The following SLC4A4 variants were observed in gnomAD, a reference collection of about 807,000 sequenced individuals.
SLC4A4 encodes solute carrier family 4 member 4.
Under a neutral mutation model 111.5 loss-of-function variants are expected in SLC4A4, and 27 were observed. The observed-to-expected ratio is 0.24, with a 90% CI of 0.18 to 0.33. The LOEUF (loss-of-function observed/expected upper bound fraction) is 0.33, where lower values mean the gene tolerates loss of function less well. SLC4A4 is among the 10% of genes least tolerant of loss of function. The probability of loss-of-function intolerance (pLI) is 1.00; values close to 1 mark genes in which losing one functional copy is unlikely to be tolerated. For missense variants in SLC4A4, 909 were observed against 1,315.5 expected (o/e 0.69, Z 4.78); for synonymous variants, 443 against 463.4 (o/e 0.96, Z 0.57).
intron 1 of SLC4A4, among the ~76,000 whole-genome samples, chr4:71,215,205 AG>A (rs538943574): frequency 7.2e-4 from 110 of 152,316 alleles, no homozygotes; most frequent in Non-Finnish European, 1.2e-3. Flanking sequence ...TTGATAGTAC[AG>A]GGTAGACTAA....
At chr4:71,074,610 A>C (rs888624119) in intron 1 of SLC4A4, among the ~76,000 whole-genome samples, 2 of 151,996 alleles carry the variant, frequency 1.3e-5, no homozygotes, top group African/African-American at 2.4e-5. Context: ...GGAGGAAGGA[A>C]AGAGGAAAGG....
chr4:71,516,770 TC>T (rs1360838995), intron 16 of SLC4A4, among the ~76,000 whole-genome samples: 1 of 152,236 alleles, frequency 6.6e-6, no homozygotes, highest in Non-Finnish European at 1.5e-5. Flanking sequence ...TTCTGTGAGT[TC>T]CTTCTTGGAC....
chr4:71,330,986 A>T (rs1199182938), intron 3 of SLC4A4, among the ~76,000 whole-genome samples: 1 of 152,208 alleles, frequency 6.6e-6, no homozygotes, highest in Non-Finnish European at 1.5e-5. Flanking sequence ...AAAAATGCTC[A>T]TCATCACTGG....
intron 1 of SLC4A4, among the ~76,000 whole-genome samples, chr4:71,068,929 A>C (rs1004456053): frequency 2.3e-4 from 35 of 152,278 alleles, no homozygotes; most frequent in African/African-American, 7.9e-4. Flanking sequence ...ACTGATACAA[A>C]GTTTGAGGAT....
At chr4:71,405,732 T>G (rs966030637) in intron 7 of SLC4A4, among the ~76,000 whole-genome samples, 1 of 152,202 alleles carries the variant, frequency 6.6e-6, no homozygotes, top group African/African-American at 2.4e-5. Context: ...CAGATTTGAG[T>G]TTATTCTTTA....
intron 1 of SLC4A4, among the ~76,000 whole-genome samples, chr4:71,214,899 G>A (rs558458436): frequency 6.6e-6 from 1 of 152,202 alleles, no homozygotes; most frequent in Non-Finnish European, 1.5e-5. Context: ...TGATGCAGTA[G>A]TAGCTTTATG....
At chr4:71,160,678 A>G (rs1015635966) in intron 2 of SLC4A4, among the ~76,000 whole-genome samples, 25 of 120,190 alleles carry the variant, frequency 2.1e-4, no homozygotes, top group African/African-American at 1.2e-3. Context: ...GAAAGGAATG[A>G]TTAAAAAAAA....
chr4:71,564,017 A>G, intron 24 of SLC4A4, 128 bp downstream of exon 24: 1 of 684,524 alleles, frequency 1.5e-6, no homozygotes, highest in East Asian at 2.7e-5. Context: ...GAGAAGATTT[A>G]CACTTAATTA....
intron 2 of SLC4A4, among the ~76,000 whole-genome samples, chr4:71,124,323 C>T (rs973306962): frequency 3.7e-4 from 56 of 152,064 alleles, no homozygotes; most frequent in African/African-American, 1.3e-3. Context: ...AGGTGCCCGC[C>T]ACCATGTCTG....
intron 1 of SLC4A4, among the ~76,000 whole-genome samples, chr4:71,196,813 G>A (rs1374972169): frequency 2.3e-5 from 2 of 88,642 alleles, no homozygotes; most frequent in African/African-American, 8.1e-5. Flanking sequence ...CAGCCTGGGT[G>A]ACAGAGCAAG....
chr4:71,125,063 C>CG (rs1456405595), intron 2 of SLC4A4, among the ~76,000 whole-genome samples: 1 of 151,812 alleles, frequency 6.6e-6, no homozygotes, highest in Admixed American at 6.6e-5. Flanking sequence ...ATTGGTACTG[C>CG]ATTTTTTTTG....
chr4:71,545,159 C>T (rs1355454186), intron 18 of SLC4A4, among the ~76,000 whole-genome samples: 3 of 151,932 alleles, frequency 2.0e-5, no homozygotes, highest in African/African-American at 7.2e-5. Context: ...TGTTCTTAGC[C>T]AAGCCTGGAC....
chr4:71,083,421 C>T lies in SLC4A4; in HGVS notation c.-64-9309C>T, dbSNP rs141492804. Among the ~76,000 whole-genome samples, 17 of 151,920 alleles carry T rather than the reference C, an allele frequency of 1.1e-4. No homozygotes were observed. In the East Asian group the frequency reaches 3.1e-3, roughly 28 times the overall value. On this transcript the variant is annotated intron_variant, in intron 1 of 26. Transcript: ENST00000649996. ...TGGGGCCAATAGCTACTTTAAATTC[C>T]CTTTTTTCCTACTCTTCCAACTCTT...
At chr4:71,303,898 T>C (rs913815365) in intron 3 of SLC4A4, among the ~76,000 whole-genome samples, 8 of 152,180 alleles carry the variant, frequency 5.3e-5, no homozygotes, top group African/African-American at 1.9e-4. Context: ...AGATTCAGTT[T>C]CATCAACATC....
Position 71,223,523 on chromosome 4 carries a change from T to A in SLC4A4, c.-1-13053T>A, listed in dbSNP as rs146881430. On this transcript the variant is annotated intron_variant, in intron 1 of 25. Coordinates refer to ENST00000264485, the MANE Select transcript of SLC4A4 (RefSeq NM_001098484.3). ...TGTGCTCAATCAGGGTTGAGTGGAATGGGATTTAAAGAACTTATCAAGTAT... is the reference window on the plus strand; with the variant it reads ...TGTGCTCAATCAGGGTTGAGTGGAAAGGGATTTAAAGAACTTATCAAGTAT... Among the ~76,000 whole-genome samples, 103 of 152,292 alleles carry A rather than the reference T, an allele frequency of 6.8e-4. 2 individuals are homozygous for A. In the East Asian group the frequency reaches 0.017, roughly 25 times the overall value.
chr4:71,517,608 C>A (rs1232700759), intron 16 of SLC4A4, among the ~76,000 whole-genome samples: 1 of 152,020 alleles, frequency 6.6e-6, no homozygotes, highest in African/African-American at 2.4e-5. Context: ...GTTCATATAT[C>A]TTCATTTTTG....
chr4:71,549,815 C>G (rs925590978), intron 20 of SLC4A4, among the ~76,000 whole-genome samples: 3 of 151,756 alleles, frequency 2.0e-5, no homozygotes, highest in African/African-American at 7.3e-5. Flanking sequence ...ATTTTCTCAC[C>G]CTGCACCCAA....
rs1737892110 is a variant in SLC4A4, at chr4:71,570,854, A to T, written c.*3103A>T. 6.6e-6 allele frequency: 1 copy of T among 151,888 alleles called. No individual in the cohort carries two copies. The highest frequency in any genetic ancestry group is 1.5e-5 in the Non-Finnish European group (1 of 67,838). The allele number at this position is 151,888 out of a possible 1,614,324, so 9.4% of individuals were successfully genotyped here. A position where few individuals can be genotyped will look rare whatever the true frequency, so the allele number is the denominator to read the frequency against. On this transcript the variant is annotated 3_prime_UTR_variant, in exon 26 of 26. Transcript: ENST00000264485. Reference sequence around the variant, plus strand: ...TGTGAAATGAATACTTGGAATTCTAATTGTTTTGTGTGCCAGGGGCAGTAA... The same window carrying T: ...TGTGAAATGAATACTTGGAATTCTATTTGTTTTGTGTGCCAGGGGCAGTAA...
At chr4:71,146,925 T>A (rs1744189085) in intron 2 of SLC4A4, among the ~76,000 whole-genome samples, 1 of 152,150 alleles carries the variant, frequency 6.6e-6, no homozygotes, top group African/African-American at 2.4e-5. Flanking sequence ...AATGCTCCAA[T>A]TAAAAGGCAC....
Sources: allele counts gnomAD v4.1 joint callset (sites outside exome capture counted in the v4.1 genomes callset), GRCh38; gene constraint gnomAD v4.1.1; transcripts MANE v1.5; gene names NCBI Gene and HGNC (gene_info 2026-07-23, HGNC 2026-07-21).